SYNGR1: variants seen among roughly 807,000 people sequenced by gnomAD.
SYNGR1 encodes synaptogyrin-1.
In SYNGR1, 14 loss-of-function variants were observed where a neutral mutation model predicts 26.1. That is an observed-to-expected ratio of 0.54 (90% confidence interval 0.35 to 0.84). SYNGR1 has a LOEUF of 0.84. Ranked by LOEUF, SYNGR1 falls within the 40% of genes least tolerant of loss-of-function variation. SYNGR1 has a pLI of 0.01. For synonymous variants in SYNGR1, 141 were observed against 150.1 expected (o/e 0.94, Z 0.44); for missense variants, 319 against 332.9 (o/e 0.96, Z 0.33).
In SYNGR1 at chr22:39,381,921, G is replaced by A; in HGVS notation, c.*7G>A. 2.5e-6 allele frequency: 4 copies of A among 1,598,466 alleles called. No homozygotes were observed. Among genetic ancestry groups the A allele is most frequent in the Non-Finnish European group, 3.4e-6 (4 of 1,173,178 alleles). On this transcript the variant is annotated 3_prime_UTR_variant, in exon 4 of 4. Transcript: ENST00000328933. ...CCAGTCGCAGGGCTACTGAGCCACA[G>A]TGACCGCCTGCCCCCGCCCCTCCCC...
rs540208183 is a variant in SYNGR1, at chr22:39,351,573, G to A, written c.99+1464G>A. Reference sequence around the variant, plus strand: ...GTGGGAGCCCTGGGGGGCACCTGCCGGATCAGGCGGGTGGGCTGCGTTCAC... The same window carrying A: ...GTGGGAGCCCTGGGGGGCACCTGCCAGATCAGGCGGGTGGGCTGCGTTCAC... On this transcript the variant is annotated intron_variant, in intron 1 of 3. Transcript: ENST00000328933. 1.1e-4 allele frequency among the ~76,000 whole-genome samples: 17 copies of A among 152,376 alleles called. 1 individual carries two copies. The East Asian group carries it at 3.1e-3, about 28-fold the overall frequency.
At chr22:39,379,880 T>G (rs1272597495) in intron 3 of SYNGR1, 1 of 152,154 alleles carries the variant, frequency 6.6e-6, no homozygotes, top group East Asian at 1.9e-4. Context: ...GCACTTCCTT[T>G]TCTAGGCCTC....
At position 39,365,988 on chromosome 22, in the gene SYNGR1, C is replaced by CTTT. The variant is rs777416803; in HGVS notation, c.100-8303_100-8301dup. On this transcript the variant is annotated intron_variant, in intron 1 of 3. Coordinates refer to ENST00000328933, the MANE Select transcript of SYNGR1 (RefSeq NM_004711.5). Reference sequence around the variant, plus strand: ...CGTGAGCCACCGCGCTCAGCCCCTTCTTTTTTTTTTTTTTTTTTTTTTTTT... The same window carrying CTTT: ...CGTGAGCCACCGCGCTCAGCCCCTTCTTTTTTTTTTTTTTTTTTTTTTTTTTTT... 3.9e-4 allele frequency among the ~76,000 whole-genome samples: 27 copies of CTTT among 68,380 alleles called. 2 individuals are homozygous for CTTT. Among genetic ancestry groups the CTTT allele is most frequent in the African/African-American group, 6.3e-4 (12 of 18,942 alleles). 44.9% of individuals were successfully genotyped at this position (68,380 alleles called of 152,430 possible).
rs1925584561 is a variant in SYNGR1 at position 39,384,037 on chromosome 22, G to A, written c.*2123G>A. 1 of 152,880 alleles carries A rather than the reference G, an allele frequency of 6.5e-6. No individual in the cohort carries two copies. The highest frequency in any genetic ancestry group is 2.4e-5 in the African/African-American group (1 of 41,488). The allele number at this position is 152,880 out of a possible 1,614,324, so 9.5% of individuals were successfully genotyped here. A position where few individuals can be genotyped will look rare whatever the true frequency, so the allele number is the denominator to read the frequency against. On this transcript the variant is annotated 3_prime_UTR_variant, in exon 4 of 4. Transcript: ENST00000328933. ...GTGGCCCACATGGGACCAGCATGGG[G>A]GCAGGTTATCTGTTGGCCTGAAGAG...
At chr22:39,366,736 C>T (rs1924778742) in intron 1 of SYNGR1, among the ~76,000 whole-genome samples, 2 of 152,186 alleles carry the variant, frequency 1.3e-5, no homozygotes, top group South Asian at 2.1e-4. Flanking sequence ...TGGGTGCTGT[C>T]GTAGCTCCTG....
At position 39,382,334 on chromosome 22, in the gene SYNGR1, T is replaced by C; in HGVS notation, c.*420T>C. The stretch of plus-strand genomic sequence containing the variant: ...TGGGAAAGACAGATCCAGATAATGC[T>C]GGGAAGTGTGGCTACACCGTGGCTT... On this transcript the variant is annotated 3_prime_UTR_variant, in exon 4 of 4. Coordinates refer to ENST00000328933, the MANE Select transcript of SYNGR1 (RefSeq NM_004711.5). 1 of 294,000 alleles carries C rather than the reference T, an allele frequency of 3.4e-6. No individual in the cohort carries two copies. 18.2% of individuals were successfully genotyped at this position (294,000 alleles called of 1,614,324 possible).
intron 1 of SYNGR1, among the ~76,000 whole-genome samples, chr22:39,359,947 CT>C (rs1884426248): frequency 6.6e-6 from 1 of 152,090 alleles, no homozygotes; most frequent in Admixed American, 6.5e-5. Context: ...GGCCTGGGGC[CT>C]CTGAACCACT....
chr22:39,372,721 G>A (rs1177385945), intron 1 of SYNGR1, among the ~76,000 whole-genome samples: 4 of 150,088 alleles, frequency 2.7e-5, no homozygotes, highest in Non-Finnish European at 4.5e-5. Context: ...CACCCACCTC[G>A]GCCTCCCAAA....
chr22:39,380,707 G>A lies in SYNGR1; in HGVS notation c.484-989G>A, dbSNP rs143038520. 1.8e-3 allele frequency among the ~76,000 whole-genome samples: 243 copies of A among 133,400 alleles called. 3 individuals are homozygous for A. In the East Asian group the frequency reaches 0.054, roughly 30 times the overall value. The allele number at this position is 133,400 out of a possible 152,430, so 87.5% of individuals were successfully genotyped here. A position where few individuals can be genotyped will look rare whatever the true frequency, so the allele number is the denominator to read the frequency against. On this transcript the variant is annotated intron_variant, in intron 3 of 3. Coordinates refer to ENST00000328933, the MANE Select transcript of SYNGR1 (RefSeq NM_004711.5). ...GCTGTCTCAGGGTACTGCAACCTCC[G>A]CCTCCTGGGTTCAAGCGATTCTCCT... is the stretch of plus-strand genomic sequence containing the variant.
chr22:39,362,097 C>T (rs554845290), intron 1 of SYNGR1, among the ~76,000 whole-genome samples: 22 of 151,524 alleles, frequency 1.5e-4, no homozygotes, highest in Non-Finnish European at 2.2e-4. Context: ...ATCCTCCTGC[C>T]TCGGCCTCCT....
intron 1 of SYNGR1, among the ~76,000 whole-genome samples, chr22:39,370,048 G>C (rs1397561144): frequency 2.0e-5 from 3 of 152,086 alleles, no homozygotes; most frequent in East Asian, 1.9e-4. Context: ...GCCCAGGCTG[G>C]TCTCAAACTC....
At chr22:39,379,145 G>C (rs897233362) in intron 3 of SYNGR1, among the ~76,000 whole-genome samples, 1 of 152,152 alleles carries the variant, frequency 6.6e-6, no homozygotes, top group Non-Finnish European at 1.5e-5. Context: ...GCTTCTTCAG[G>C]CTCCGGCGTC....
chr22:39,356,098 G>A (rs55995917), intron 1 of SYNGR1, among the ~76,000 whole-genome samples: 31,575 of 152,116 alleles, frequency 0.21, 7,184 homozygotes, highest in African/African-American at 0.57. Context: ...ACAGGGTCTC[G>A]CTCTGTCACC....
At position 39,382,234 on chromosome 22, in the gene SYNGR1, T is replaced by C. The variant is rs928055268; in HGVS notation, c.*320T>C. 2.6e-5 allele frequency: 12 copies of C among 467,294 alleles called. No homozygotes were observed. Among genetic ancestry groups the C allele is most frequent in the Non-Finnish European group, 3.9e-5 (10 of 253,588 alleles). 28.9% of individuals were successfully genotyped at this position (467,294 alleles called of 1,614,324 possible). Reference sequence around the variant, plus strand: ...CCTGTGCTGGGCATGGGTGGTGACATTGGCAGAAATGGCCACTGGAAAGGG... The same window carrying C: ...CCTGTGCTGGGCATGGGTGGTGACACTGGCAGAAATGGCCACTGGAAAGGG... On this transcript the variant is annotated 3_prime_UTR_variant, in exon 4 of 4. Coordinates refer to ENST00000328933, the MANE Select transcript of SYNGR1 (RefSeq NM_004711.5).
intron 1 of SYNGR1, among the ~76,000 whole-genome samples, chr22:39,362,099 C>T (rs187286617): frequency 4.4e-4 from 67 of 151,768 alleles, no homozygotes; most frequent in Admixed American, 1.7e-3. Context: ...CCTCCTGCCT[C>T]GGCCTCCTAC....
intron 3 of SYNGR1, chr22:39,380,052 A>G (rs1391017584): frequency 6.6e-6 from 1 of 151,874 alleles, no homozygotes; most frequent in Non-Finnish European, 1.5e-5. Flanking sequence ...GACTTAGCTC[A>G]GTGTGGTCAG....
chr22:39,385,026 C>G lies in SYNGR1; in HGVS notation c.*3112C>G, dbSNP rs1187531120. ...GACTGACGTTAGTTCCCTACTCCAT[C>G]CTTCCCTGGTGATTCTTGATCTTCA... is the stretch of plus-strand genomic sequence containing the variant. On this transcript the variant is annotated 3_prime_UTR_variant, in exon 4 of 4. Coordinates refer to ENST00000328933, the MANE Select transcript of SYNGR1 (RefSeq NM_004711.5). The G allele has an allele frequency of 5.0e-6, 2 of 398,800 alleles. No individual in the cohort carries two copies. Among genetic ancestry groups the G allele is most frequent in the African/African-American group, 4.1e-5 (2 of 48,640 alleles). 24.7% of individuals were successfully genotyped at this position (398,800 alleles called of 1,614,324 possible). A position where few individuals can be genotyped will look rare whatever the true frequency, so the allele number is the denominator to read the frequency against.
chr22:39,375,915 G>C (rs1297231), intron 2 of SYNGR1, 137 bp from the exon 3 acceptor site: 119,535 of 1,187,972 alleles, frequency 0.1, 6,870 homozygotes, highest in African/African-American at 0.18. Context: ...CCCTTTGCCT[G>C]TCCCTTTGGG....
chr22:39,377,803 G>C, intron 3 of SYNGR1: 14 of 1,536,720 alleles, frequency 9.1e-6, no homozygotes, highest in Non-Finnish European at 1.0e-5. Context: ...GGCAGTGGAA[G>C]GCTGGCTTGA....
Sources: gnomAD v4.1 joint callset for allele counts (sites outside exome capture counted in the v4.1 genomes callset) on GRCh38, gnomAD v4.1.1 for gene constraint, MANE v1.5 for transcripts, NCBI Gene and HGNC (gene_info 2026-07-23, HGNC 2026-07-21) for gene names.